ATP5F1A: variants seen among roughly 807,000 people sequenced by gnomAD.
The protein encoded by ATP5F1A is ATP synthase F1 subunit alpha, also known as ATP synthase F(1) complex subunit alpha, mitochondrial.
In ATP5F1A, 24 loss-of-function variants were observed where a neutral mutation model predicts 57.4. That is an observed-to-expected ratio of 0.42 (90% CI 0.30 to 0.59). The LOEUF is 0.59. Ranked by LOEUF, ATP5F1A falls within the 20% of genes least tolerant of loss-of-function variation. ATP5F1A has a pLI of 0.19. For synonymous variants in ATP5F1A, 251 were observed against 255.5 expected, an observed-to-expected ratio of 0.98 and a Z score of 0.17; for missense variants, 494 against 707.9, an observed-to-expected ratio of 0.70 and a Z score of 3.43.
Position 46,084,062 on chromosome 18 carries a change from A to C in ATP5F1A, c.*220T>G. ...GCCCAGTTGACTGTACCAATATTCAAGTAAAATAGATCAAGAAGCATTTGC... is the reference window on the plus strand; with the variant it reads ...GCCCAGTTGACTGTACCAATATTCACGTAAAATAGATCAAGAAGCATTTGC... On this transcript the variant is annotated 3_prime_UTR_variant, in exon 12 of 12. Coordinates refer to ENST00000398752, the MANE Select transcript of ATP5F1A (RefSeq NM_004046.6). 1 of 469,674 alleles carries C rather than the reference A, an allele frequency of 2.1e-6. No individual in the cohort carries two copies. Among genetic ancestry groups the C allele is most frequent in the Non-Finnish European group, 3.7e-6 (1 of 268,924 alleles). The allele number at this position is 469,674 out of a possible 1,614,324, so 29.1% of individuals were successfully genotyped here.
intron 1 of ATP5F1A, among the ~76,000 whole-genome samples, chr18:46,096,150 AAGTGCT>A (rs1910932718): frequency 6.6e-6 from 1 of 152,026 alleles, no homozygotes; most frequent in African/African-American, 2.4e-5. Context: ...TGGCCTCCCA[AAGTGCT>A]GGAATTACAG....
At chr18:46,103,555 C>T (rs1034011071) in intron 1 of ATP5F1A, among the ~76,000 whole-genome samples, 2 of 143,642 alleles carry the variant, frequency 1.4e-5, no homozygotes, top group Non-Finnish European at 3.0e-5. Context: ...GAGCTGAGAG[C>T]CGAGAGCCGA....
upstream of ATP5F1A, among the ~76,000 whole-genome samples, chr18:46,101,500 G>T (rs916200122): frequency 1.3e-5 from 2 of 152,080 alleles, no homozygotes; most frequent in Non-Finnish European, 2.9e-5. Context: ...AGGAGGTGAA[G>T]GTTGCAGTGA....
chr18:46,098,088 T>C, intron 1 of ATP5F1A, 84 bp downstream of exon 1: 1 of 1,504,960 alleles, frequency 6.6e-7, no homozygotes. Flanking sequence ...CCCCTCGCCC[T>C]CCTGCAGAGA....
At chr18:46,103,339 G>C (rs1042427699) in intron 1 of ATP5F1A, among the ~76,000 whole-genome samples, 2 of 151,786 alleles carry the variant, frequency 1.3e-5, no homozygotes, top group Non-Finnish European at 2.9e-5. Flanking sequence ...CGGGCGCAGT[G>C]CCTGTAATCC....
At position 46,098,204 on chromosome 18, in the gene ATP5F1A, C is replaced by G. The variant is rs765597214; in HGVS notation, c.28G>C (p.Val10Leu). The change falls in exon 1 of 12, where the codon GTG becomes CTG. Residue 10 changes from valine (V) to leucine (L), a missense_variant. Val to Leu is a conservative substitution (Grantham distance 32). Around this residue, in one of 6 missense-constraint regions of ATP5F1A, gnomAD observed 142 missense variants for 137.5 expected, o/e 1.03. Coordinates refer to ENST00000398752, the MANE Select transcript of ATP5F1A (RefSeq NM_004046.6). MLSVRVAAA[V>L]VRALPRRAGL... ...GCCCGCCGAGGAAGGGCGCGGACCA[C>G]GGCCGCAGCAACGCGCACGGACAGC... 8.7e-6 allele frequency: 14 copies of G among 1,606,730 alleles called. 1 individual carries two copies. In the South Asian group the frequency reaches 8.8e-5, roughly 10 times the overall value.
Position 46,089,751 on chromosome 18 carries a change from A to G in ATP5F1A, c.484-19T>C, listed in dbSNP as rs1261349197. 1.9e-6 allele frequency: 3 copies of G among 1,613,204 alleles called. No homozygotes were observed. Among genetic ancestry groups the G allele is most frequent in the Non-Finnish European group, 2.5e-6 (3 of 1,179,712 alleles). Reference sequence around the variant, plus strand: ...TTGGACCCTGTTAAAAAATAAAAAGAAAAACCCTAAGCATAATCAGTTTTG... The same window carrying G: ...TTGGACCCTGTTAAAAAATAAAAAGGAAAACCCTAAGCATAATCAGTTTTG... On this transcript the variant is annotated intron_variant, in intron 4 of 11. Transcript: ENST00000398752.
upstream of ATP5F1A, chr18:46,098,372 C>CCCT (rs1911145287): frequency 8.2e-7 from 1 of 1,212,990 alleles, no homozygotes; most frequent in African/African-American, 1.6e-5. Flanking sequence ...ACCACCTCTC[C>CCCT]CCCCGCCCCC....
At chr18:46,095,702 G>T (rs748842106) in intron 1 of ATP5F1A, among the ~76,000 whole-genome samples, 1 of 150,778 alleles carries the variant, frequency 6.6e-6, no homozygotes, top group African/African-American at 2.4e-5. Context: ...CTACAGCCTC[G>T]ACTTCCTGGG....
chr18:46,090,945 T>C (rs1910509884), intron 3 of ATP5F1A, among the ~76,000 whole-genome samples: 1 of 152,212 alleles, frequency 6.6e-6, no homozygotes, highest in African/African-American at 2.4e-5. Context: ...AATTAATCTG[T>C]TTCGACCTCA....
chr18:46,098,388 C>A, upstream of ATP5F1A: 3 of 1,310,132 alleles, frequency 2.3e-6, no homozygotes, highest in Non-Finnish European at 3.0e-6. Context: ...CCCCCGCCGC[C>A]ACTCTGCATT....
chr18:46,087,280 GCATATGTGAACTTTTACTT>G, intron 7 of ATP5F1A, 42 bp downstream of exon 7: 6 of 1,611,254 alleles, frequency 3.7e-6, no homozygotes, highest in Non-Finnish European at 5.1e-6. Flanking sequence ...AATAGAAGTT[GCATATGTGAACTTTTACTT>G]CAGTACAAAT....
At chr18:46,097,741 G>A (rs1911065087) in intron 1 of ATP5F1A, 6 of 867,602 alleles carry the variant, frequency 6.9e-6, no homozygotes, top group Non-Finnish European at 7.0e-6. Context: ...TTCACACAAT[G>A]TCAGACTCCA....
Position 46,091,825 on chromosome 18 carries a change from CAAG to C in ATP5F1A, c.163_165del (p.Leu55del). The C allele has an allele frequency of 6.2e-7, 1 of 1,613,404 alleles. No individual in the cohort carries two copies. The highest frequency in any genetic ancestry group is 8.5e-7 in the Non-Finnish European group (1 of 1,179,882). ...GTATCAGCTCCAAGAATACGCTCTT[CAAG>C]AATAGAGGACATCTCAGCAGTCCCT... is the stretch of plus-strand genomic sequence containing the variant. On this transcript the variant is annotated inframe_deletion, in exon 3 of 12. Transcript: ENST00000398752.
rs897359383 is a variant in ATP5F1A at position 46,087,953 on chromosome 18, A to G, written c.799+156T>C. The G allele has an allele frequency of 1.6e-5, 12 of 730,332 alleles. No individual in the cohort carries two copies. The African/African-American group carries it at 2.2e-4, about 13-fold the overall frequency. 45.2% of individuals were successfully genotyped at this position (730,332 alleles called of 1,614,324 possible). A position where few individuals can be genotyped will look rare whatever the true frequency, so the allele number is the denominator to read the frequency against. On this transcript the variant is annotated intron_variant, in intron 6 of 11. Transcript: ENST00000398752. Reference sequence around the variant, plus strand: ...AGAAACCAACAAAACCTTTAAATGTACTACTGTTTTACATTGTCTTACCTA... The same window carrying G: ...AGAAACCAACAAAACCTTTAAATGTGCTACTGTTTTACATTGTCTTACCTA...
Position 46,089,899 on chromosome 18 carries a change from G to T in ATP5F1A, c.407C>A (p.Ala136Asp). ...KEGDIVKRTG[A>D]IVDVPVGEEL... is the part of the protein sequence containing the mutation. ...CTCACCAACTGGAACGTCCACAATGGCTCCTGTCCTCTTCACTATATCTCC... is the reference window on the plus strand; with the variant it reads ...CTCACCAACTGGAACGTCCACAATGTCTCCTGTCCTCTTCACTATATCTCC... The change falls in exon 4 of 12, where the codon GCC becomes GAC. Residue 136 changes from alanine (A) to aspartate (D), a missense_variant. Physicochemically the swap from Ala to Asp is moderately radical, Grantham distance 126. This residue lies in a region of ATP5F1A where 191 missense variants were observed against 267.7 expected (regional missense o/e 0.71). Coordinates refer to ENST00000398752, the MANE Select transcript of ATP5F1A (RefSeq NM_004046.6). The T allele has an allele frequency of 6.2e-7, 1 of 1,613,908 alleles. No individual in the cohort carries two copies. Among genetic ancestry groups the T allele is most frequent in the Non-Finnish European group, 8.5e-7 (1 of 1,179,968 alleles).
chr18:46,097,797 C>T, intron 1 of ATP5F1A: 1 of 1,056,386 alleles, frequency 9.5e-7, no homozygotes, highest in Non-Finnish European at 1.1e-6. Context: ...TGACCTTCAG[C>T]GGGACGCGAC....
Position 46,084,296 on chromosome 18 carries a change from C to T in ATP5F1A, c.1648G>A (p.Gly550Arg), listed in dbSNP as rs1254437217. The T allele has an allele frequency of 6.2e-7, 1 of 1,612,226 alleles. No individual in the cohort carries two copies. The highest frequency in any genetic ancestry group is 2.2e-5 in the East Asian group (1 of 44,858). The change falls in exon 12 of 12, where the codon GGA (glycine) becomes AGA (arginine). Residue 550 changes from glycine (G) to arginine (R), a missense_variant. Gly to Arg is a moderately radical substitution (Grantham distance 125, BLOSUM62 -2). Transcript: ENST00000398752. ...TCCACAGGAGTTTAAGCTTCAAATC[C>T]AGCCAAGAAATTTGTTACAATCTCT... is the stretch of plus-strand genomic sequence containing the variant. ...LKEIVTNFLA[G>R]FEA
At chr18:46,100,587 G>T (rs934146439), upstream of ATP5F1A, among the ~76,000 whole-genome samples, 1 of 152,118 alleles carries the variant, frequency 6.6e-6, no homozygotes, top group East Asian at 1.9e-4. Context: ...TCCAGCCTGG[G>T]CAACAAAGCA....
Sources: gnomAD v4.1 joint callset for allele counts (sites outside exome capture counted in the v4.1 genomes callset) on GRCh38, gnomAD v4.1.1 for gene constraint, gnomAD v4.1.1 regional missense constraint, MANE v1.5 for transcripts, NCBI Gene and HGNC (gene_info 2026-07-23, HGNC 2026-07-21) for gene names.